Variants in XKR9 observed in about 807,000 individuals in gnomAD.
XKR9 encodes XK-related protein 9.
In XKR9, 32 loss-of-function variants were observed where a neutral mutation model predicts 32.0. The observed-to-expected ratio is 1.00, with a 90% confidence interval of 0.76 to 1.34. The LOEUF (loss-of-function observed/expected upper bound fraction) is 1.34, where lower values mean the gene tolerates loss of function less well. Ranked by LOEUF, XKR9 falls within the 40% of genes most tolerant of loss-of-function variation. XKR9 has a pLI of 0.00. For synonymous variants in XKR9, 168 were observed against 143.4 expected (o/e 1.17, Z -1.22); for missense variants, 546 against 429.7 (o/e 1.27, Z -2.39).
intron 2 of XKR9, among the ~76,000 whole-genome samples, chr8:70,766,311 G>C (rs751773006): frequency 6.6e-6 from 1 of 152,132 alleles, no homozygotes; most frequent in Non-Finnish European, 1.5e-5. Flanking sequence ...TCCTTGAAGA[G>C]GTCCTTTACA....
Position 70,741,122 on chromosome 8 carries a change from C to T in XKR9, n.352+33969C>T, listed in dbSNP as rs564294914. The stretch of plus-strand genomic sequence containing the variant: ...CTCCTTGAGCTGTGGTGGGTTCCAC[C>T]CAGTTCGAGCATCTGGGCTGCTTTG... On this transcript the variant is annotated intron_variant and non_coding_transcript_variant, in intron 2 of 3. Coordinates refer to the XKR9 transcript ENST00000520273. Among the ~76,000 whole-genome samples the T allele has an allele frequency of 1.0e-3, 158 of 152,364 alleles. 1 individual carries two copies. The highest frequency in any genetic ancestry group is 6.8e-3 in the Middle Eastern group (2 of 294).
At chr8:70,692,256 A>C (rs1805101756) in intron 3 of XKR9, among the ~76,000 whole-genome samples, 1 of 152,124 alleles carries the variant, frequency 6.6e-6, no homozygotes, top group South Asian at 2.1e-4. Flanking sequence ...TGAGTTTTGT[A>C]CATTGATTTT....
At chr8:70,936,397 G>A in the XKR9 span, among the ~76,000 whole-genome samples, 4 of 152,046 alleles carry the variant, frequency 2.6e-5, no homozygotes, top group Non-Finnish European at 4.4e-5. Flanking sequence ...CAGGCAGAGG[G>A]ATGCTTGGTT....
chr8:71,052,170 A>G, the XKR9 span, among the ~76,000 whole-genome samples: 1 of 152,258 alleles, frequency 6.6e-6, no homozygotes. Context: ...CAAAGAAAAC[A>G]GAGATTGCCC....
At chr8:70,865,575 T>C in the XKR9 span, among the ~76,000 whole-genome samples, 3 of 152,158 alleles carry the variant, frequency 2.0e-5, no homozygotes, top group Admixed American at 6.6e-5. Flanking sequence ...TGTAAGTTGG[T>C]GAGTCCAGGT....
At chr8:70,902,947 G>C in the XKR9 span, among the ~76,000 whole-genome samples, 9 of 152,220 alleles carry the variant, frequency 5.9e-5, no homozygotes, top group East Asian at 1.7e-3. Flanking sequence ...TATGTGTATT[G>C]ATTTGCATAT....
the XKR9 span, among the ~76,000 whole-genome samples, chr8:70,912,516 T>C: frequency 6.6e-6 from 1 of 152,108 alleles, no homozygotes; most frequent in African/African-American, 2.4e-5. Context: ...GGTATAGCAA[T>C]TCATGGAGAT....
chr8:70,829,413 A>G, the XKR9 span, among the ~76,000 whole-genome samples: 2 of 152,282 alleles, frequency 1.3e-5, no homozygotes, highest in Admixed American at 6.5e-5. Flanking sequence ...CAAGGGTTTG[A>G]CCATTTTTAA....
chr8:70,739,566 T>C (rs1387972160), downstream of XKR9, among the ~76,000 whole-genome samples: 1 of 152,136 alleles, frequency 6.6e-6, no homozygotes, highest in African/African-American at 2.4e-5. Flanking sequence ...CTAGCCTCGA[T>C]GGTCTTTACA....
At chr8:71,055,622 C>A in the XKR9 span, among the ~76,000 whole-genome samples, 5 of 152,156 alleles carry the variant, frequency 3.3e-5, no homozygotes, top group Non-Finnish European at 5.9e-5. Context: ...ATTACTACTT[C>A]CTACAGTAAT....
At chr8:70,687,410 T>TCA (rs1246284177) in intron 3 of XKR9, among the ~76,000 whole-genome samples, 1 of 150,958 alleles carries the variant, frequency 6.6e-6, no homozygotes, top group Non-Finnish European at 1.5e-5. Context: ...TCTCTCTCTC[T>TCA]CCTTTCTAAA....
At chr8:70,883,235 G>C in the XKR9 span, among the ~76,000 whole-genome samples, 1 of 151,842 alleles carries the variant, frequency 6.6e-6, no homozygotes, top group African/African-American at 2.4e-5. Flanking sequence ...ATAGTATTTG[G>C]TTTTCCATTT....
At chr8:70,919,195 C>G in the XKR9 span, among the ~76,000 whole-genome samples, 119 of 152,188 alleles carry the variant, frequency 7.8e-4, 1 homozygote, top group Non-Finnish European at 1.0e-3. Context: ...AGTTACTTCA[C>G]TTCTCTGAGC....
At position 70,676,656 on chromosome 8, in the gene XKR9, G is replaced by T. The variant is rs536182597; in HGVS notation, c.-279+1757G>T. Reference sequence around the variant, plus strand: ...ATTAATCTATTGCATCTAATGTTCTGCCAGTAACAGTTTCTGTTTCTTGGA... The same window carrying T: ...ATTAATCTATTGCATCTAATGTTCTTCCAGTAACAGTTTCTGTTTCTTGGA... On this transcript the variant is annotated intron_variant, in intron 2 of 4. Coordinates refer to ENST00000408926, the MANE Select transcript of XKR9 (RefSeq NM_001011720.2). Among the ~76,000 whole-genome samples, 5 of 152,198 alleles carry T rather than the reference G, an allele frequency of 3.3e-5. No homozygotes were observed. In the East Asian group the frequency reaches 7.7e-4, roughly 24 times the overall value.
At chr8:70,760,351 T>A (rs1473043522) in intron 2 of XKR9, among the ~76,000 whole-genome samples, 1 of 152,198 alleles carries the variant, frequency 6.6e-6, no homozygotes, top group Non-Finnish European at 1.5e-5. Context: ...TGGTTTCTTT[T>A]GGGGTTAAAT....
downstream of XKR9, among the ~76,000 whole-genome samples, chr8:70,795,119 CT>C (rs1285100388): frequency 6.6e-6 from 1 of 152,000 alleles, no homozygotes; most frequent in Non-Finnish European, 1.5e-5. Flanking sequence ...TCCTGATCCT[CT>C]CCCTCCTCCC....
At chr8:70,965,374 G>T in the XKR9 span, among the ~76,000 whole-genome samples, 3 of 152,004 alleles carry the variant, frequency 2.0e-5, no homozygotes, top group Non-Finnish European at 2.9e-5. Context: ...GGATTTTTGC[G>T]TTGATGTTTA....
rs201711635 is a variant in XKR9 at position 70,758,520 on chromosome 8, T to C, written n.353-30819T>C. ...CTTTCTTGCAAACTAGCTGTCTTTATAGTTTAGGCACCCATTTAATAATAA... is the reference window on the plus strand; with the variant it reads ...CTTTCTTGCAAACTAGCTGTCTTTACAGTTTAGGCACCCATTTAATAATAA... On this transcript the variant is annotated intron_variant and non_coding_transcript_variant, in intron 2 of 3. Transcript: ENST00000520273. 2.0e-5 allele frequency among the ~76,000 whole-genome samples: 3 copies of C among 152,310 alleles called. No individual in the cohort carries two copies. In the East Asian group the frequency reaches 5.8e-4, roughly 29 times the overall value.
At chr8:70,767,082 A>C (rs1055956380) in intron 2 of XKR9, among the ~76,000 whole-genome samples, 1 of 152,128 alleles carries the variant, frequency 6.6e-6, no homozygotes, top group Non-Finnish European at 1.5e-5. Flanking sequence ...TGTCTTTGCC[A>C]GGTTTTGGTA....
Sources: allele counts gnomAD v4.1 joint callset (sites outside exome capture counted in the v4.1 genomes callset), GRCh38; gene constraint gnomAD v4.1.1; transcripts MANE v1.5; gene names NCBI Gene and HGNC (gene_info 2026-07-23, HGNC 2026-07-21).